Variants in DNAH12 observed in about 807,000 individuals in gnomAD.
DNAH12 encodes the protein dynein axonemal heavy chain 12, also known as axonemal beta dynein heavy chain 12.
A neutral mutation model predicts 371.5 loss-of-function variants in DNAH12; 285 were observed. The ratio of observed to expected loss-of-function variants is 0.77; its 90% CI spans 0.70 to 0.85. The LOEUF (loss-of-function observed/expected upper bound fraction) is 0.85, where lower values mean the gene tolerates loss of function less well. Ranked by LOEUF, DNAH12 falls within the 40% of genes least tolerant of loss-of-function variation. DNAH12 has a pLI of 0.00. For synonymous variants in DNAH12, 1,200 were observed against 1,213.0 expected, an observed-to-expected ratio of 0.99 and a Z score of 0.22; for missense variants, 3,611 against 3,689.4, an observed-to-expected ratio of 0.98 and a Z score of 0.55.
intron 4 of DNAH12, among the ~76,000 whole-genome samples, chr3:57,512,182 C>G (rs2068024384): frequency 6.6e-6 from 1 of 152,048 alleles, no homozygotes; most frequent in Admixed American, 6.6e-5. Flanking sequence ...GTAAAGAATG[C>G]TTTAAAATTT....
Position 57,453,407 on chromosome 3 carries a change from C to T in DNAH12, c.3457-4G>A. 6.6e-7 allele frequency: 1 copy of T among 1,510,198 alleles called. No homozygotes were observed. Among genetic ancestry groups the T allele is most frequent in the Non-Finnish European group, 8.8e-7 (1 of 1,132,778 alleles). The allele number at this position is 1,510,198 out of a possible 1,614,324, so 93.5% of individuals were successfully genotyped here. ...CCTTATAATACTTCTTTAATCCCTA[C>T]AAAATAAAAAAAAAAGCAATCTAAT... is the stretch of plus-strand genomic sequence containing the variant. On this transcript the variant is annotated splice_polypyrimidine_tract_variant and splice_region_variant and intron_variant, in intron 23 of 73. Coordinates refer to ENST00000495027, the MANE Select transcript of DNAH12 (RefSeq NM_001366028.2).
chr3:57,521,281 C>G (rs1348393971), intron 4 of DNAH12, among the ~76,000 whole-genome samples: 1 of 151,796 alleles, frequency 6.6e-6, no homozygotes, highest in Non-Finnish European at 1.5e-5. Flanking sequence ...GAGCTTTAGG[C>G]TGAGGTTTTT....
chr3:57,367,861 C>T (rs914294236), intron 56 of DNAH12, among the ~76,000 whole-genome samples, 185 bp downstream of exon 56: 4 of 152,214 alleles, frequency 2.6e-5, no homozygotes, highest in Non-Finnish European at 5.9e-5. Flanking sequence ...AGGTATTTAT[C>T]TTAGAATACC....
chr3:57,476,720 T>TGTTG (rs1484207867), intron 13 of DNAH12, among the ~76,000 whole-genome samples: 21 of 152,242 alleles, frequency 1.4e-4, no homozygotes, highest in African/African-American at 4.1e-4. Flanking sequence ...ACAATTCATG[T>TGTTG]TTTACGTAAT....
At chr3:57,365,880 A>T (rs1238580730) in intron 57 of DNAH12, among the ~76,000 whole-genome samples, 1 of 128,478 alleles carries the variant, frequency 7.8e-6, no homozygotes, top group Non-Finnish European at 1.7e-5. Flanking sequence ...TATATATATA[A>T]ATGTATTTCT....
chr3:57,494,530 T>A (rs1488683311), intron 11 of DNAH12, among the ~76,000 whole-genome samples: 1 of 150,574 alleles, frequency 6.6e-6, no homozygotes, highest in African/African-American at 2.4e-5. Context: ...CCACTGTACT[T>A]TAGCCTGGGC....
intron 2 of DNAH12, among the ~76,000 whole-genome samples, chr3:57,525,541 T>C (rs1255382527): frequency 6.6e-6 from 1 of 152,084 alleles, no homozygotes; most frequent in Non-Finnish European, 1.5e-5. Flanking sequence ...TGTGGGTACA[T>C]AGTAGGCATA....
chr3:57,445,579 T>C (rs772332131), intron 27 of DNAH12, among the ~76,000 whole-genome samples, 160 bp from the exon 28 acceptor site: 3 of 152,198 alleles, frequency 2.0e-5, no homozygotes. Flanking sequence ...AATATTTTTA[T>C]GCAGTTAGTA....
chr3:57,444,212 AATT>A, intron 29 of DNAH12, among the ~76,000 whole-genome samples: 1 of 151,752 alleles, frequency 6.6e-6, no homozygotes, highest in East Asian at 1.9e-4. Context: ...AAAAAATAAT[AATT>A]ATTATAATAA....
At position 57,322,993 on chromosome 3, in the gene DNAH12, G is replaced by C; in HGVS notation, c.10383+14C>G. 1 of 1,550,718 alleles carries C rather than the reference G, an allele frequency of 6.4e-7. No homozygotes were observed. The highest frequency in any genetic ancestry group is 8.7e-7 in the Non-Finnish European group (1 of 1,146,616). ...TAAGTAAATGTACTTAACTCTATAA[G>C]GAAATAAACATACTTTTGAAGATGG... On this transcript the variant is annotated intron_variant, in intron 64 of 73. Transcript: ENST00000495027.
At chr3:57,529,338 A>G (rs531284277) in intron 2 of DNAH12, among the ~76,000 whole-genome samples, 2 of 152,268 alleles carry the variant, frequency 1.3e-5, no homozygotes, top group East Asian at 3.9e-4. Flanking sequence ...TAAATGTTTA[A>G]TAGAATTCAG....
At chr3:57,411,486 C>T (rs1443129914) in intron 39 of DNAH12, among the ~76,000 whole-genome samples, 1 of 130,994 alleles carries the variant, frequency 7.6e-6, no homozygotes, top group African/African-American at 3.0e-5. Flanking sequence ...AAGATCATGC[C>T]ACTGCACTCC....
chr3:57,472,795 A>G (rs1359778767), intron 13 of DNAH12, 124 bp from the exon 14 acceptor site: 1 of 986,960 alleles, frequency 1.0e-6, no homozygotes, highest in East Asian at 2.7e-5. Flanking sequence ...TTATTAACTG[A>G]TATTTTATAT....
intron 37 of DNAH12, 63 bp downstream of exon 37, chr3:57,419,304 C>T: frequency 4.2e-6 from 6 of 1,419,462 alleles, no homozygotes; most frequent in Non-Finnish European, 5.6e-6. Flanking sequence ...TCAAAAATTG[C>T]CATAATCCTA....
Position 57,425,120 on chromosome 3 carries a change from T to C in DNAH12, c.5275A>G (p.Ser1759Gly), listed in dbSNP as rs1295465790. The C allele has an allele frequency of 1.4e-6, 1 of 702,582 alleles. No individual in the cohort carries two copies. The highest frequency in any genetic ancestry group is 1.5e-5 in the South Asian group (1 of 67,444). The allele number at this position is 702,582 out of a possible 1,614,324, so 43.5% of individuals were successfully genotyped here. Reference protein sequence around the residue: ...KCKELIPTSNSNVVVSLTRLF... With the variant: ...KCKELIPTSNGNVVVSLTRLF... ...CGTGTGAGAGATACAACCACGTTGC[T>C]GTTGCTTGTAGGAATCAGTTCCTGC... Residue 1759 changes from serine (S) to glycine (G), a missense_variant, in exon 35 of 74, where the codon AGC becomes GGC. By Grantham distance (56) the Ser-to-Gly change is moderately conservative (BLOSUM62 0). Around this residue, in one of 3 missense-constraint regions of DNAH12, gnomAD observed 2,266 missense variants for 2,236.9 expected, o/e 1.01. Coordinates refer to ENST00000495027, the MANE Select transcript of DNAH12 (RefSeq NM_001366028.2).
intron 2 of DNAH12, among the ~76,000 whole-genome samples, chr3:57,534,469 T>G (rs1434944462): frequency 1.3e-5 from 2 of 151,426 alleles, no homozygotes; most frequent in East Asian, 3.9e-4. Flanking sequence ...ACCACCACCA[T>G]GATCACTTTC....
intron 49 of DNAH12, among the ~76,000 whole-genome samples, chr3:57,382,767 A>G (rs930478341): frequency 3.3e-5 from 5 of 152,210 alleles, no homozygotes; most frequent in Non-Finnish European, 5.9e-5. Flanking sequence ...GCTTATATAT[A>G]TTAGTTCTAT....
At chr3:57,342,109 A>C (rs1359416406) in intron 60 of DNAH12, among the ~76,000 whole-genome samples, 1 of 152,172 alleles carries the variant, frequency 6.6e-6, no homozygotes, top group Non-Finnish European at 1.5e-5. Flanking sequence ...CTACACAAAA[A>C]TCAACTCAAA....
At chr3:57,320,260 A>G (rs1336761729) in intron 65 of DNAH12, among the ~76,000 whole-genome samples, 1 of 152,204 alleles carries the variant, frequency 6.6e-6, no homozygotes, top group Non-Finnish European at 1.5e-5. Context: ...ACATGTTTTT[A>G]TATATGTTCA....
Sources: gnomAD v4.1 joint callset for allele counts (sites outside exome capture counted in the v4.1 genomes callset) on GRCh38, gnomAD v4.1.1 for gene constraint, gnomAD v4.1.1 regional missense constraint, MANE v1.5 for transcripts, NCBI Gene and HGNC (gene_info 2026-07-23, HGNC 2026-07-21) for gene names.